Variants in ATP6V0E1 observed in about 807,000 individuals in gnomAD.
ATP6V0E1 encodes the protein ATPase H+ transporting V0 subunit e1, also known as V-type proton ATPase subunit e 1.
Under a neutral mutation model 11.6 loss-of-function variants are expected in ATP6V0E1, and 4 were observed. That is an observed-to-expected ratio of 0.35 (90% CI 0.17 to 0.79). ATP6V0E1 has a LOEUF of 0.79. Among genes scored for constraint, ATP6V0E1 ranks in the 30% least tolerant of loss-of-function variants. The probability of loss-of-function intolerance (pLI) is 0.54; values close to 1 mark genes in which losing one functional copy is unlikely to be tolerated. For synonymous variants in ATP6V0E1, 36 were observed against 34.8 expected (o/e 1.04, Z -0.13); for missense variants, 105 against 100.0 (o/e 1.05, Z -0.21).
intron 1 of ATP6V0E1, 50 bp downstream of exon 1, chr5:172,984,014 A>C (rs752715308): frequency 6.4e-7 from 1 of 1,572,796 alleles, no homozygotes; most frequent in Non-Finnish European, 8.7e-7. Context: ...AGGAGCTAGC[A>C]GGCCGGGGCG....
In ATP6V0E1 at chr5:173,017,362, C is replaced by T. The variant is rs559259174; in HGVS notation, c.153-2876C>T. On this transcript the variant is annotated intron_variant, in intron 2 of 3. Coordinates refer to ENST00000519374, the MANE Select transcript of ATP6V0E1 (RefSeq NM_003945.4). Reference sequence around the variant, plus strand: ...CAGCCTTGCCAACATGGTGAAACCCCATCTTTACTAAAAATACAAAAATTA... The same window carrying T: ...CAGCCTTGCCAACATGGTGAAACCCTATCTTTACTAAAAATACAAAAATTA... Among the ~76,000 whole-genome samples the T allele has an allele frequency of 2.3e-3, 346 of 150,764 alleles. 1 individual carries two copies. Among genetic ancestry groups the T allele is most frequent in the African/African-American group, 7.8e-3 (321 of 41,026 alleles).
chr5:172,990,676 A>C (rs945814330), intron 1 of ATP6V0E1, among the ~76,000 whole-genome samples: 1 of 151,816 alleles, frequency 6.6e-6, no homozygotes, highest in East Asian at 1.9e-4. Context: ...AAAATACAAA[A>C]ATTAGCCAGG....
At chr5:173,025,830 T>C (rs958841949) in intron 3 of ATP6V0E1, among the ~76,000 whole-genome samples, 1 of 151,958 alleles carries the variant, frequency 6.6e-6, no homozygotes, top group Admixed American at 6.6e-5. Flanking sequence ...GTATAACTAA[T>C]AGATATGAGC....
At chr5:173,029,657 T>TTTTTG (rs1197246699) in intron 3 of ATP6V0E1, among the ~76,000 whole-genome samples, 2 of 152,128 alleles carry the variant, frequency 1.3e-5, no homozygotes, top group African/African-American at 2.4e-5. Context: ...GCAGCAGGAT[T>TTTTTG]TTTTGTTTTG....
intron 1 of ATP6V0E1, among the ~76,000 whole-genome samples, chr5:172,984,497 G>T (rs959377177): frequency 6.6e-6 from 1 of 152,198 alleles, no homozygotes; most frequent in African/African-American, 2.4e-5. Context: ...GATCTAAAGC[G>T]AGATTAATTA....
chr5:173,027,215 C>T (rs915102050), intron 3 of ATP6V0E1, among the ~76,000 whole-genome samples: 9 of 97,640 alleles, frequency 9.2e-5, no homozygotes, highest in African/African-American at 2.0e-4. Context: ...TAGCCGGGCA[C>T]GGTGGCTCAC....
rs1755841492 is a variant in ATP6V0E1, at chr5:172,983,885, CCT to C, written c.29_30del (p.Leu10HisfsTer20). ...CATGGCGTATCACGGCCTCACTGTG[CCT>C]CTCATTGTGATGAGCGTGTTCTGGG... MAYHGLTV[P>X]LIVMSVFWGF... On this transcript the variant is annotated frameshift_variant, in exon 1 of 4. Coordinates refer to ENST00000519374, the MANE Select transcript of ATP6V0E1 (RefSeq NM_003945.4). LOFTEE classifies it high-confidence loss of function. The C allele has an allele frequency of 6.2e-7, 1 of 1,613,768 alleles. No individual in the cohort carries two copies. The highest frequency in any genetic ancestry group is 1.3e-5 in the African/African-American group (1 of 75,052).
intron 2 of ATP6V0E1, among the ~76,000 whole-genome samples, chr5:172,999,984 A>T (rs1756129074): frequency 6.6e-6 from 1 of 152,198 alleles, no homozygotes. Flanking sequence ...AAAGAGTGAG[A>T]TTCTATTAAA....
At chr5:172,984,770 C>T (rs1755855856) in intron 1 of ATP6V0E1, among the ~76,000 whole-genome samples, 1 of 152,134 alleles carries the variant, frequency 6.6e-6, no homozygotes, top group Non-Finnish European at 1.5e-5. Flanking sequence ...ATTTTTTTCT[C>T]AGTTCAAGAT....
At chr5:173,008,066 C>T (rs909213409) in intron 2 of ATP6V0E1, among the ~76,000 whole-genome samples, 9 of 152,190 alleles carry the variant, frequency 5.9e-5, no homozygotes, top group South Asian at 2.1e-4. Context: ...ACCCACTCCG[C>T]GACCTCCGGC....
intron 3 of ATP6V0E1, among the ~76,000 whole-genome samples, chr5:173,033,309 C>T (rs767357369): frequency 7.9e-5 from 12 of 152,162 alleles, no homozygotes; most frequent in South Asian, 2.1e-4. Context: ...GTGATCTTCC[C>T]GCCTTGGCGT....
intron 2 of ATP6V0E1, among the ~76,000 whole-genome samples, chr5:173,013,832 C>T (rs1028292106): frequency 6.6e-6 from 1 of 152,136 alleles, no homozygotes; most frequent in Non-Finnish European, 1.5e-5. Flanking sequence ...GATATCATCT[C>T]ACTCCAGTTA....
rs1756693225 is a variant in ATP6V0E1, at chr5:173,033,300, T to G, written c.*37-1099T>G. On this transcript the variant is annotated intron_variant, in intron 3 of 3. Coordinates refer to ENST00000519374, the MANE Select transcript of ATP6V0E1 (RefSeq NM_003945.4). ...CTATGTTGCCCAGGCTGGCCTCAGG[T>G]GATCTTCCCGCCTTGGCGTCCCAAA... is the stretch of plus-strand genomic sequence containing the variant. Among the ~76,000 whole-genome samples, 3 of 152,106 alleles carry G rather than the reference T, an allele frequency of 2.0e-5. No homozygotes were observed. In the South Asian group the frequency reaches 6.2e-4, roughly 31 times the overall value.
At chr5:173,020,823 A>T (rs1474613470) in intron 3 of ATP6V0E1, 1 of 519,656 alleles carries the variant, frequency 1.9e-6, no homozygotes, top group South Asian at 1.4e-5. Flanking sequence ...TGCCTGCGCC[A>T]CTGTTCTGGT....
At chr5:172,998,596 T>G in intron 2 of ATP6V0E1, among the ~76,000 whole-genome samples, 1 of 133,168 alleles carries the variant, frequency 7.5e-6, no homozygotes, top group African/African-American at 2.9e-5. Flanking sequence ...GGCATCAGAG[T>G]GAGACTCCAT....
chr5:172,990,256 A>G (rs1371896934), intron 1 of ATP6V0E1, among the ~76,000 whole-genome samples: 2 of 152,046 alleles, frequency 1.3e-5, no homozygotes, highest in Admixed American at 6.6e-5. Flanking sequence ...TATTTTTGCA[A>G]CTGAAAAGGG....
intron 2 of ATP6V0E1, among the ~76,000 whole-genome samples, chr5:173,005,539 A>G (rs1271309027): frequency 6.6e-6 from 1 of 152,200 alleles, no homozygotes; most frequent in Non-Finnish European, 1.5e-5. Flanking sequence ...TAATATATCA[A>G]GTATTTTAAT....
chr5:172,996,951 T>C (rs1484922822), intron 2 of ATP6V0E1, among the ~76,000 whole-genome samples: 2 of 15,760 alleles, frequency 1.3e-4, no homozygotes, highest in Non-Finnish European at 3.1e-4. Flanking sequence ...GGGAATTTTT[T>C]CTTTTTTTTT....
Position 173,020,343 on chromosome 5 carries a change from T to C in ATP6V0E1, c.*12T>C. The C allele has an allele frequency of 6.4e-7, 1 of 1,574,530 alleles. No individual in the cohort carries two copies. Among genetic ancestry groups the C allele is most frequent in the Non-Finnish European group, 8.7e-7 (1 of 1,144,130 alleles). On this transcript the variant is annotated 3_prime_UTR_variant, in exon 3 of 4. Transcript: ENST00000519374. ...ATCATTGGCCTTGAGGAAGAAGACA[T>C]GCTCTACAGTGCTCAGTCTTTGAGG...
Sources: allele counts gnomAD v4.1 joint callset (sites outside exome capture counted in the v4.1 genomes callset), GRCh38; gene constraint gnomAD v4.1.1; transcripts MANE v1.5; gene names NCBI Gene and HGNC (gene_info 2026-07-23, HGNC 2026-07-21).